The following ARMH4 variants were observed in gnomAD, a reference collection of about 807,000 sequenced individuals.
ARMH4 encodes armadillo-like helical domain-containing protein 4.
ARMH4 carries 49 observed loss-of-function variants against 61.9 expected under a neutral mutation model. That is an observed-to-expected ratio of 0.79 (90% confidence interval 0.63 to 1.00). ARMH4 has a LOEUF of 1.00. ARMH4 is among the 50% of genes least tolerant of loss of function. The pLI is 0.00. For synonymous variants in ARMH4, 368 were observed against 341.5 expected, an observed-to-expected ratio of 1.08 and a Z score of -0.85; for missense variants, 934 against 930.0, an observed-to-expected ratio of 1.00 and a Z score of -0.06.
intron 5 of ARMH4, among the ~76,000 whole-genome samples, chr14:58,020,196 C>G (rs1306003440): frequency 6.6e-6 from 1 of 152,166 alleles, no homozygotes; most frequent in Non-Finnish European, 1.5e-5. Flanking sequence ...ACCTTTATGG[C>G]TCTAAAGCCT....
At chr14:58,050,412 C>T (rs117424021) in intron 5 of ARMH4, among the ~76,000 whole-genome samples, 2 of 152,224 alleles carry the variant, frequency 1.3e-5, no homozygotes, top group Non-Finnish European at 2.9e-5. Flanking sequence ...GCCTTCCTCT[C>T]TCTCTACCCA....
At chr14:58,080,658 T>C (rs1885192681) in intron 5 of ARMH4, among the ~76,000 whole-genome samples, 1 of 152,164 alleles carries the variant, frequency 6.6e-6, no homozygotes, top group Non-Finnish European at 1.5e-5. Context: ...ACCTGGGTGA[T>C]GGGATCATTT....
chr14:58,043,299 C>T (rs201059537), intron 5 of ARMH4, among the ~76,000 whole-genome samples: 20,884 of 150,930 alleles, frequency 0.14, 1,989 homozygotes, highest in East Asian at 0.48. Context: ...GCTGGTTCAA[C>T]AGATGCAAAT....
chr14:58,049,624 A>G (rs1194342172), intron 5 of ARMH4, among the ~76,000 whole-genome samples: 2 of 152,218 alleles, frequency 1.3e-5, no homozygotes, highest in African/African-American at 4.8e-5. Context: ...CAAGGAGCTT[A>G]AAGTCCAACA....
intron 5 of ARMH4, among the ~76,000 whole-genome samples, chr14:58,066,748 C>T (rs1270654281): frequency 6.6e-6 from 1 of 152,174 alleles, no homozygotes; most frequent in East Asian, 1.9e-4. Context: ...CTTCCAAATA[C>T]TATATTTCAT....
chr14:58,041,208 C>A (rs1308936176), intron 5 of ARMH4, among the ~76,000 whole-genome samples: 1 of 152,160 alleles, frequency 6.6e-6, no homozygotes, highest in Non-Finnish European at 1.5e-5. Context: ...AATTCCCTTT[C>A]CTAGCCAAGG....
intron 4 of ARMH4, among the ~76,000 whole-genome samples, chr14:58,102,284 C>G (rs988328630): frequency 6.6e-6 from 1 of 152,000 alleles, no homozygotes; most frequent in Admixed American, 6.5e-5. Flanking sequence ...GAGAGAAGAA[C>G]CATGGTGGTG....
rs140126372 is a variant in ARMH4, at chr14:58,093,434, C to T, written c.2089+3290G>A. ...CTCAAACTCCTGGCCTCAAACAATC[C>T]TCCTGCCTCAGCCTCTTAAAGCACT... On this transcript the variant is annotated intron_variant, in intron 5 of 7. Coordinates refer to ENST00000267485, the MANE Select transcript of ARMH4 (RefSeq NM_001001872.4). 4.2e-3 allele frequency among the ~76,000 whole-genome samples: 632 copies of T among 152,256 alleles called. 3 individuals carry two copies. Among genetic ancestry groups the T allele is most frequent in the Non-Finnish European group, 6.2e-3 (422 of 68,030 alleles).
At chr14:58,114,488 T>A (rs1262381066) in intron 4 of ARMH4, among the ~76,000 whole-genome samples, 2 of 152,180 alleles carry the variant, frequency 1.3e-5, no homozygotes, top group East Asian at 3.8e-4. Flanking sequence ...GGCATATGTT[T>A]TACCCAAGAT....
In ARMH4 at chr14:58,004,797, T is replaced by A; in HGVS notation, c.2264A>T (p.Glu755Val). The A allele has an allele frequency of 6.2e-7, 1 of 1,610,700 alleles. No individual in the cohort carries two copies. The highest frequency in any genetic ancestry group is 1.7e-5 in the Admixed American group (1 of 59,954). The change falls in exon 8 of 8, where the codon GAA (glutamate) becomes GTA (valine). Residue 755 changes from glutamate to valine, a missense_variant. By Grantham distance (121) the Glu-to-Val change is moderately radical. Coordinates refer to ENST00000267485, the MANE Select transcript of ARMH4 (RefSeq NM_001001872.4). ...TACTCGATCTTGCATGCTGTTGAAT[T>A]CTCTCTGCTAGAGAAAGAAAACAGA... ...GFKRHKRKQR[E>V]FNSMQDRVML...
At chr14:58,126,668 T>C (rs1370904301) in intron 4 of ARMH4, among the ~76,000 whole-genome samples, 1 of 151,396 alleles carries the variant, frequency 6.6e-6, no homozygotes, top group Non-Finnish European at 1.5e-5. Context: ...AAACTAAATA[T>C]AAAGACAGAC....
chr14:58,151,416 G>A (rs1056881307), intron 1 of ARMH4, among the ~76,000 whole-genome samples: 2 of 152,094 alleles, frequency 1.3e-5, no homozygotes, highest in African/African-American at 2.4e-5. Flanking sequence ...GCCTCCCCCA[G>A]GTCTAACCCG....
chr14:58,046,323 T>G (rs913636686), intron 5 of ARMH4, among the ~76,000 whole-genome samples: 2 of 152,186 alleles, frequency 1.3e-5, no homozygotes, highest in African/African-American at 4.8e-5. Context: ...CACCTCTTTG[T>G]TCTGAGGGGA....
intron 5 of ARMH4, among the ~76,000 whole-genome samples, chr14:58,021,010 G>A (rs924770350): frequency 8.5e-5 from 13 of 152,174 alleles, no homozygotes; most frequent in South Asian, 2.1e-4. Context: ...TTTCATGCCC[G>A]AAGGCAGAGG....
intron 5 of ARMH4, among the ~76,000 whole-genome samples, chr14:58,032,661 G>C (rs923016553): frequency 1.3e-5 from 2 of 151,930 alleles, no homozygotes; most frequent in African/African-American, 4.8e-5. Context: ...TCACTAGGGA[G>C]TGCCAGACAG....
intron 5 of ARMH4, among the ~76,000 whole-genome samples, chr14:58,029,064 C>A (rs1022414821): frequency 6.6e-6 from 1 of 151,916 alleles, no homozygotes; most frequent in East Asian, 1.9e-4. Context: ...CACATACACA[C>A]AAAAAAACCC....
At chr14:58,043,583 T>C (rs1594716986) in intron 5 of ARMH4, among the ~76,000 whole-genome samples, 1 of 152,230 alleles carries the variant, frequency 6.6e-6, no homozygotes, top group East Asian at 1.9e-4. Flanking sequence ...CTATTCGACA[T>C]AGTGTTGGAA....
chr14:58,049,203 C>T (rs1188185830), intron 5 of ARMH4, among the ~76,000 whole-genome samples: 1 of 147,542 alleles, frequency 6.8e-6, no homozygotes, highest in Non-Finnish European at 1.5e-5. Context: ...GGCACCACTG[C>T]ACTCCAGCTG....
rs1181006729 is a variant in ARMH4, at chr14:58,002,229, G to A, written c.*2507C>T. The A allele has an allele frequency of 6.6e-6, 1 of 152,028 alleles. No homozygotes were observed. Among genetic ancestry groups the A allele is most frequent in the Non-Finnish European group, 1.5e-5 (1 of 68,020 alleles). The allele number at this position is 152,028 out of a possible 1,614,324, so 9.4% of individuals were successfully genotyped here. On this transcript the variant is annotated 3_prime_UTR_variant, in exon 8 of 8. Transcript: ENST00000267485. ...CTCTTAATAATCTAAGCCAACCACT[G>A]AAAATCATTATTCCACAGCCACCAG...
Sources: gnomAD v4.1 joint callset for allele counts (sites outside exome capture counted in the v4.1 genomes callset) on GRCh38, gnomAD v4.1.1 for gene constraint, MANE v1.5 for transcripts, NCBI Gene and HGNC (gene_info 2026-07-23, HGNC 2026-07-21) for gene names.